PI4K2B: variants seen among roughly 807,000 people sequenced by gnomAD.
PI4K2B encodes phosphatidylinositol 4-kinase type 2-beta.
PI4K2B carries 46 observed loss-of-function variants against 56.6 expected under a neutral mutation model. The observed-to-expected ratio is 0.81, with a 90% CI of 0.64 to 1.04. The LOEUF (loss-of-function observed/expected upper bound fraction) is 1.04, where lower values mean the gene tolerates loss of function less well. Among genes scored for constraint, PI4K2B ranks in the 50% least tolerant of loss-of-function variants. The probability of loss-of-function intolerance (pLI) is 0.00; values close to 1 mark genes in which losing one functional copy is unlikely to be tolerated. For synonymous variants in PI4K2B, 211 were observed against 223.8 expected, an observed-to-expected ratio of 0.94 and a Z score of 0.51; for missense variants, 556 against 607.7, an observed-to-expected ratio of 0.91 and a Z score of 0.89.
chr4:25,235,245 G>A (rs1299305008), intron 1 of PI4K2B, among the ~76,000 whole-genome samples: 1 of 152,186 alleles, frequency 6.6e-6, no homozygotes, highest in African/African-American at 2.4e-5. Flanking sequence ...TTGTAAAAAG[G>A]CGATGGTACA....
intron 1 of PI4K2B, among the ~76,000 whole-genome samples, chr4:25,237,354 T>G (rs200526148): frequency 7.7e-6 from 1 of 130,594 alleles, no homozygotes; most frequent in Non-Finnish European, 1.7e-5. Flanking sequence ...TTTTTTTTTT[T>G]GTTTTTGGCA....
In PI4K2B at chr4:25,234,287, G is replaced by T. The variant is rs776537882; in HGVS notation, c.124G>T (p.Ala42Ser). ...CGCCTGGGCCCACCCGCGGAGAGGC[G>T]CCCCAGGCAGCGCCGTGAGGCTGCT... is the stretch of plus-strand genomic sequence containing the variant. ...RIAWAHPRRG[A>S]PGSAVRLLDA... The change falls in exon 1 of 10, where the codon GCC becomes TCC. Residue 42 changes from alanine (A) to serine (S), a missense_variant. Ala to Ser is a moderately conservative substitution (Grantham distance 99, BLOSUM62 1). Coordinates refer to ENST00000264864, the MANE Select transcript of PI4K2B (RefSeq NM_018323.4). 30 of 1,418,558 alleles carry T rather than the reference G, an allele frequency of 2.1e-5. No homozygotes were observed. In the African/African-American group the frequency reaches 4.3e-4, roughly 20 times the overall value. 87.9% of individuals were successfully genotyped at this position (1,418,558 alleles called of 1,614,324 possible).
At chr4:25,237,584 T>C (rs567167555) in intron 1 of PI4K2B, among the ~76,000 whole-genome samples, 9 of 152,330 alleles carry the variant, frequency 5.9e-5, no homozygotes, top group African/African-American at 2.2e-4. Flanking sequence ...CAGGCTGGTC[T>C]CGAACTCCTG....
chr4:25,248,107 G>C (rs1042696697), intron 1 of PI4K2B, among the ~76,000 whole-genome samples: 1 of 152,124 alleles, frequency 6.6e-6, no homozygotes, highest in African/African-American at 2.4e-5. Context: ...GAGAGAAAGA[G>C]TTTATTTTGA....
chr4:25,265,355 C>T (rs898124717), intron 7 of PI4K2B, among the ~76,000 whole-genome samples: 1 of 151,650 alleles, frequency 6.6e-6, no homozygotes, highest in Non-Finnish European at 1.5e-5. Context: ...GCTCTTTTTC[C>T]CCAGATAATT....
chr4:25,266,870 A>G (rs1484557439), intron 7 of PI4K2B, among the ~76,000 whole-genome samples: 1 of 152,208 alleles, frequency 6.6e-6, no homozygotes. Flanking sequence ...AACAAACACT[A>G]TTGCCTAGCA....
At chr4:25,264,741 G>A (rs560321079) in intron 7 of PI4K2B, among the ~76,000 whole-genome samples, 99 of 151,562 alleles carry the variant, frequency 6.5e-4, no homozygotes, top group Non-Finnish European at 1.0e-3. Context: ...TGTGGTGGCC[G>A]ATGCCTGTAG....
chr4:25,264,146 G>A (rs1716580590), intron 7 of PI4K2B, among the ~76,000 whole-genome samples: 1 of 152,048 alleles, frequency 6.6e-6, no homozygotes, highest in Non-Finnish European at 1.5e-5. Flanking sequence ...TTAATATTTG[G>A]TAGAACTATA....
intron 4 of PI4K2B, among the ~76,000 whole-genome samples, chr4:25,258,182 G>A (rs1225265284): frequency 2.1e-5 from 3 of 145,650 alleles, no homozygotes; most frequent in Admixed American, 1.4e-4. Context: ...TTAAGACTGG[G>A]TATTTAATCT....
chr4:25,252,528 T>C (rs114048754), intron 2 of PI4K2B, 53 bp downstream of exon 2: 314 of 1,080,212 alleles, frequency 2.9e-4, no homozygotes, highest in Non-Finnish European at 3.8e-4. Flanking sequence ...TAAATACTAA[T>C]TTAAATATGA....
At chr4:25,269,610 G>A (rs1253320362) in intron 9 of PI4K2B, among the ~76,000 whole-genome samples, 21 of 149,962 alleles carry the variant, frequency 1.4e-4, no homozygotes, top group Non-Finnish European at 3.0e-5. Context: ...CTGCACTCCA[G>A]CCTGAGCAAC....
In PI4K2B at chr4:25,259,196, G is replaced by T; in HGVS notation, c.910+6G>T. The T allele has an allele frequency of 6.7e-7, 1 of 1,502,980 alleles. No individual in the cohort carries two copies. The highest frequency in any genetic ancestry group is 9.2e-7 in the Non-Finnish European group (1 of 1,091,624). 93.1% of individuals were successfully genotyped at this position (1,502,980 alleles called of 1,614,324 possible). ...TTACATCATCAGAAATACAGGTATT[G>T]AAGTTCTCTCATTTGTTCACGTAAA... On this transcript the variant is annotated splice_donor_region_variant and intron_variant, in intron 5 of 9. Coordinates refer to ENST00000264864, the MANE Select transcript of PI4K2B (RefSeq NM_018323.4).
At chr4:25,244,371 G>A (rs930124733) in intron 1 of PI4K2B, among the ~76,000 whole-genome samples, 3 of 152,188 alleles carry the variant, frequency 2.0e-5, no homozygotes, top group African/African-American at 4.8e-5. Context: ...CCTCCTGTGG[G>A]ATGTAAGTTG....
chr4:25,268,575 A>G lies in PI4K2B; in HGVS notation c.1211A>G (p.Lys404Arg), dbSNP rs768247821. 6.4e-6 allele frequency: 10 copies of G among 1,559,524 alleles called. No homozygotes were observed. The South Asian group carries it at 1.2e-4, about 19-fold the overall frequency. The change falls in exon 8 of 10, where the codon AAG (lysine) becomes AGG (arginine). Residue 404 changes from lysine (K) to arginine (R), a missense_variant and splice_region_variant. Physicochemically the swap from Lys to Arg is conservative, Grantham distance 26. Transcript: ENST00000264864. ...TGTGAAGATCTCTATGAACTTTTTA[A>G]GGTAAGTTAATGCTTAGTTTGATTA... ...DLCEDLYELF[K>R]TDKGFDKATF...
At chr4:25,244,618 A>G (rs558027012) in intron 1 of PI4K2B, among the ~76,000 whole-genome samples, 6 of 152,296 alleles carry the variant, frequency 3.9e-5, no homozygotes, top group African/African-American at 9.6e-5. Flanking sequence ...ATTGGTCCCA[A>G]TGGCTTAGGA....
Position 25,259,178 on chromosome 4 carries a change from A to C in PI4K2B, c.898A>C (p.Ile300Leu). ...FERLVILDYIIRNTDRGNDNW... is the reference protein window; with the variant it reads ...FERLVILDYILRNTDRGNDNW... ...AAGATTAGTTATTTTGGATTACATC[A>C]TCAGAAATACAGGTATTGAAGTTCT... Residue 300 changes from isoleucine to leucine, a missense_variant, in exon 5 of 10, where the codon ATC becomes CTC. Transcript: ENST00000264864. The C allele has an allele frequency of 6.4e-7, 1 of 1,562,056 alleles. No individual in the cohort carries two copies. Among genetic ancestry groups the C allele is most frequent in the Non-Finnish European group, 8.8e-7 (1 of 1,138,694 alleles).
Position 25,277,225 on chromosome 4 carries a change from A to G in PI4K2B, c.*38A>G. Reference sequence around the variant, plus strand: ...TAAGAGAAACAAACTGTTTAGAATTATCATGTTTTTAAAACATCATAGTAA... The same window carrying G: ...TAAGAGAAACAAACTGTTTAGAATTGTCATGTTTTTAAAACATCATAGTAA... On this transcript the variant is annotated 3_prime_UTR_variant, in exon 10 of 10. Transcript: ENST00000264864. 1 of 1,545,448 alleles carries G rather than the reference A, an allele frequency of 6.5e-7. No individual in the cohort carries two copies. Among genetic ancestry groups the G allele is most frequent in the Non-Finnish European group, 8.8e-7 (1 of 1,135,396 alleles).
At chr4:25,236,935 A>G (rs1235486657) in intron 1 of PI4K2B, among the ~76,000 whole-genome samples, 2 of 152,372 alleles carry the variant, frequency 1.3e-5, no homozygotes, top group South Asian at 2.1e-4. Flanking sequence ...TATTTTTTAA[A>G]TGACTCCATT....
rs1409928954 is a variant in PI4K2B, at chr4:25,268,463, C to T, written c.1099C>T (p.Leu367Phe). The T allele has an allele frequency of 6.2e-7, 1 of 1,604,962 alleles. No homozygotes were observed. Among genetic ancestry groups the T allele is most frequent in the Middle Eastern group, 1.7e-4 (1 of 6,034 alleles). ...WRAYPFHWAWLPQAKVPFSEE... is the reference protein window; with the variant it reads ...WRAYPFHWAWFPQAKVPFSEE... The stretch of plus-strand genomic sequence containing the variant: ...ATTAGATCCATTTCACTGGGCTTGG[C>T]TTCCTCAAGCAAAAGTTCCCTTTTC... The change falls in exon 8 of 10, where the codon CTT becomes TTT. Residue 367 changes from leucine (L) to phenylalanine (F), a missense_variant. Leu to Phe is a conservative substitution (Grantham distance 22). Transcript: ENST00000264864.
Sources: gnomAD v4.1 joint callset for allele counts (sites outside exome capture counted in the v4.1 genomes callset) on GRCh38, gnomAD v4.1.1 for gene constraint, MANE v1.5 for transcripts, NCBI Gene and HGNC (gene_info 2026-07-23, HGNC 2026-07-21) for gene names.